The following SLC10A6 variants were observed in gnomAD, a reference collection of about 807,000 sequenced individuals.
SLC10A6 encodes the protein sodium-dependent organic anion transporter.
Under a neutral mutation model 30.0 loss-of-function variants are expected in SLC10A6, and 27 were observed. The ratio of observed to expected loss-of-function variants is 0.90; its 90% CI spans 0.66 to 1.24. The LOEUF (loss-of-function observed/expected upper bound fraction) is 1.24, where lower values mean the gene tolerates loss of function less well. Ranked by LOEUF, SLC10A6 falls within the 50% of genes most tolerant of loss-of-function variation. The pLI is 0.00. For synonymous variants in SLC10A6, 166 were observed against 173.8 expected, an observed-to-expected ratio of 0.95 and a Z score of 0.36; for missense variants, 439 against 457.0, an observed-to-expected ratio of 0.96 and a Z score of 0.36.
intron 1 of SLC10A6, among the ~76,000 whole-genome samples, chr4:86,837,343 A>AAGGCAGGCAGGC (rs1553899233): frequency 0.025 from 2,527 of 102,644 alleles, 318 homozygotes; most frequent in African/African-American, 0.079. Flanking sequence ...GGAAGGAAGG[A>AAGGCAGGCAGGC]AGGCAGGCAG....
intron 4 of SLC10A6, among the ~76,000 whole-genome samples, chr4:86,826,109 C>T (rs886643133): frequency 6.6e-6 from 1 of 152,130 alleles, no homozygotes; most frequent in Admixed American, 6.5e-5. Context: ...TGATGCAGGA[C>T]ATGGTGGCTC....
intron 4 of SLC10A6, among the ~76,000 whole-genome samples, chr4:86,826,585 A>AAAT (rs1746005211): frequency 6.8e-6 from 1 of 147,802 alleles, no homozygotes. Flanking sequence ...AATAAATAAA[A>AAAT]ACACAAAAAC....
intron 1 of SLC10A6, among the ~76,000 whole-genome samples, chr4:86,839,092 T>A (rs1746249003): frequency 6.6e-6 from 1 of 151,970 alleles, no homozygotes; most frequent in African/African-American, 2.4e-5. Context: ...ATTTATTTCA[T>A]GATTGTTTGT....
intron 1 of SLC10A6, among the ~76,000 whole-genome samples, chr4:86,837,308 A>AGTAG (rs1746214402): frequency 7.0e-6 from 1 of 142,270 alleles, no homozygotes; most frequent in African/African-American, 2.7e-5. Flanking sequence ...GAAGGAAGGA[A>AGTAG]GGAAGGAAGG....
chr4:86,830,742 T>G (rs1052460681), intron 3 of SLC10A6, among the ~76,000 whole-genome samples: 6 of 152,182 alleles, frequency 3.9e-5, no homozygotes, highest in Admixed American at 1.3e-4. Context: ...AGCCAAACCA[T>G]AAACCAGAAA....
At chr4:86,827,721 A>G (rs2149410506) in intron 4 of SLC10A6, among the ~76,000 whole-genome samples, 1 of 152,306 alleles carries the variant, frequency 6.6e-6, no homozygotes, top group Admixed American at 6.5e-5. Context: ...TCTTCTACGA[A>G]GTGGGAATCA....
rs58692864 is a variant in SLC10A6, at chr4:86,837,343, A to AAGGAAGGAAGGAAGGCAGGCAGGC, written c.378-3920_378-3919insGCCTGCCTGCCTTCCTTCCTTCCT. 4.1e-3 allele frequency among the ~76,000 whole-genome samples: 422 copies of AAGGAAGGAAGGAAGGCAGGCAGGC among 102,760 alleles called. 11 individuals are homozygous for AAGGAAGGAAGGAAGGCAGGCAGGC. Among genetic ancestry groups the AAGGAAGGAAGGAAGGCAGGCAGGC allele is most frequent in the African/African-American group, 0.015 (365 of 25,020 alleles). The allele number at this position is 102,760 out of a possible 152,430, so 67.4% of individuals were successfully genotyped here. ...GAAGGAAGGAAGGAAGGAAGGAAGG[A>AAGGAAGGAAGGAAGGCAGGCAGGC]AGGCAGGCAGGCAGGCTGGGATTTG... On this transcript the variant is annotated intron_variant, in intron 1 of 5. Transcript: ENST00000273905.
chr4:86,837,201 T>TAGAGAGAGAG (rs369585953), intron 1 of SLC10A6, among the ~76,000 whole-genome samples: 11 of 104,314 alleles, frequency 1.1e-4, no homozygotes, highest in African/African-American at 5.8e-4. Flanking sequence ...ATGGTGCATG[T>TAGAGAGAGAG]AGAGAGAGAG....
In SLC10A6 at chr4:86,849,170, C is replaced by A; in HGVS notation, c.-55G>T. The A allele has an allele frequency of 1.3e-6, 2 of 1,545,382 alleles. No homozygotes were observed. The highest frequency in any genetic ancestry group is 2.0e-5 in the Admixed American group (1 of 50,590). On this transcript the variant is annotated 5_prime_UTR_variant, in exon 1 of 6. Coordinates refer to ENST00000273905, the MANE Select transcript of SLC10A6 (RefSeq NM_197965.3). Reference sequence around the variant, plus strand: ...ATGAACATCGGCAACAATGGCTGGGCAGGTCTATCCTGCCACATTTTGTAA... The same window carrying A: ...ATGAACATCGGCAACAATGGCTGGGAAGGTCTATCCTGCCACATTTTGTAA...
In SLC10A6 at chr4:86,823,726, C is replaced by A. The variant is rs1745920756; in HGVS notation, c.1096G>T (p.Ala366Ser). The change falls in exon 6 of 6, where the codon GCT becomes TCT. Residue 366 changes from alanine to serine, a missense_variant. Coordinates refer to ENST00000273905, the MANE Select transcript of SLC10A6 (RefSeq NM_197965.3). ...GPPGPMDCHRALEPVGHITSC... is the reference protein window; with the variant it reads ...GPPGPMDCHRSLEPVGHITSC... ...GTGATGTGGCCAACTGGCTCGAGAG[C>A]CCTGTGGCAATCCATTGGCCCTGGT... 1 of 1,613,624 alleles carries A rather than the reference C, an allele frequency of 6.2e-7. No homozygotes were observed. Among genetic ancestry groups the A allele is most frequent in the Admixed American group, 1.7e-5 (1 of 59,938 alleles).
chr4:86,842,877 T>TCTTTCTTTCTTTCTTTCTTTCTTTCTTTC (rs201477476), intron 1 of SLC10A6, among the ~76,000 whole-genome samples: 1 of 119,778 alleles, frequency 8.3e-6, no homozygotes, highest in Non-Finnish European at 1.6e-5. Context: ...TTTCTTTCTT[T>TCTTTCTTTCTTTCTTTCTTTCTTTCTTTC]TTTTTTTTGA....
chr4:86,842,535 A>C (rs1402267867), intron 1 of SLC10A6, among the ~76,000 whole-genome samples: 2 of 152,138 alleles, frequency 1.3e-5, no homozygotes, highest in African/African-American at 4.8e-5. Context: ...GTAATAAAAA[A>C]TAAAAAATTA....
chr4:86,844,747 C>T (rs137935931), intron 1 of SLC10A6, among the ~76,000 whole-genome samples: 1,659 of 152,140 alleles, frequency 0.011, 14 homozygotes, highest in Non-Finnish European at 0.017. Context: ...CCCAAGCCTG[C>T]GTAATTTATA....
rs34533020 is a variant in SLC10A6, at chr4:86,837,281, A to AAGAAAGAAAGAG, written c.378-3858_378-3857insCTCTTTCTTTCT. On this transcript the variant is annotated intron_variant, in intron 1 of 5. Transcript: ENST00000273905. Reference sequence around the variant, plus strand: ...AAAGAAAGAAAGAAAGAAAGAAAGAAAGAAAAAGAAAGGAAGGAAGGAAGG... The same window carrying AAGAAAGAAAGAG: ...AAAGAAAGAAAGAAAGAAAGAAAGAAAGAAAGAAAGAGAGAAAAAGAAAGGAAGGAAGGAAGG... Among the ~76,000 whole-genome samples the AAGAAAGAAAGAG allele has an allele frequency of 8.6e-3, 778 of 90,178 alleles. 75 individuals are homozygous for AAGAAAGAAAGAG. Among genetic ancestry groups the AAGAAAGAAAGAG allele is most frequent in the African/African-American group, 0.031 (610 of 19,614 alleles). 59.2% of individuals were successfully genotyped at this position (90,178 alleles called of 152,430 possible).
chr4:86,824,162 C>A (rs1273214965), intron 5 of SLC10A6, among the ~76,000 whole-genome samples: 1 of 149,020 alleles, frequency 6.7e-6, no homozygotes, highest in African/African-American at 2.6e-5. Flanking sequence ...CTCATATATT[C>A]ATTCATTCAT....
chr4:86,837,279 GAAA>G (rs1560460337), intron 1 of SLC10A6, among the ~76,000 whole-genome samples: 41 of 100,778 alleles, frequency 4.1e-4, no homozygotes, highest in Middle Eastern at 5.0e-3. Flanking sequence ...AAGAAAGAAA[GAAA>G]GAAAAAGAAA....
At chr4:86,837,201 TAGAGAGAG>T (rs369585953) in intron 1 of SLC10A6, among the ~76,000 whole-genome samples, 2 of 104,312 alleles carry the variant, frequency 1.9e-5, no homozygotes, top group Non-Finnish European at 3.5e-5. Context: ...ATGGTGCATG[TAGAGAGAG>T]AGAGAGAGAG....
intron 1 of SLC10A6, among the ~76,000 whole-genome samples, chr4:86,834,121 C>T (rs770024215): frequency 6.6e-6 from 1 of 152,192 alleles, no homozygotes; most frequent in African/African-American, 2.4e-5. Flanking sequence ...GTCACAGGGG[C>T]AGATCCCTCA....
intron 4 of SLC10A6, 89 bp downstream of exon 4, chr4:86,827,904 A>G (rs1230565279): frequency 1.6e-6 from 2 of 1,260,296 alleles, no homozygotes; most frequent in Non-Finnish European, 2.2e-6. Context: ...AAAACTCTTC[A>G]TGTCTCCTGA....
Sources: gnomAD v4.1 joint callset for allele counts (sites outside exome capture counted in the v4.1 genomes callset) on GRCh38, gnomAD v4.1.1 for gene constraint, MANE v1.5 for transcripts, NCBI Gene and HGNC (gene_info 2026-07-23, HGNC 2026-07-21) for gene names.